CACNA2D3: variants seen among roughly 807,000 people sequenced by gnomAD.
CACNA2D3 encodes the protein voltage-dependent calcium channel subunit alpha-2/delta-3.
CACNA2D3 carries 60 observed loss-of-function variants against 160.6 expected under a neutral mutation model. The observed-to-expected ratio is 0.37, with a 90% CI of 0.30 to 0.46. The LOEUF is 0.46. Ranked by LOEUF, CACNA2D3 falls within the 20% of genes least tolerant of loss-of-function variation. The probability of loss-of-function intolerance (pLI) is 1.00; values close to 1 mark genes in which losing one functional copy is unlikely to be tolerated. For synonymous variants in CACNA2D3, 558 were observed against 492.9 expected (o/e 1.13, Z -1.75); for missense variants, 1,205 against 1,365.0 (o/e 0.88, Z 1.85).
chr3:54,637,749 T>C (rs1699410578), intron 10 of CACNA2D3: 1 of 152,038 alleles, frequency 6.6e-6, no homozygotes, highest in Admixed American at 6.5e-5. Flanking sequence ...GCAGCGTCAG[T>C]CTTCAGCCAG....
rs576904390 is a variant in CACNA2D3 at position 54,456,432 on chromosome 3, G to A, written c.382-47060G>A. On this transcript the variant is annotated intron_variant, in intron 4 of 37. Coordinates refer to ENST00000474759, the MANE Select transcript of CACNA2D3 (RefSeq NM_018398.3). ...TGATTTTGTATCCTGCAACTTTACC[G>A]AAATTGTTTGTCCGTTCTAAGAGTT... Among the ~76,000 whole-genome samples the A allele has an allele frequency of 2.2e-3, 329 of 152,014 alleles. 6 individuals are homozygous for A. Among genetic ancestry groups the A allele is most frequent in the Non-Finnish European group, 1.8e-4 (12 of 67,884 alleles).
In CACNA2D3 at chr3:54,892,948, G is replaced by A. The variant is rs140381486; in HGVS notation, c.2246+1498G>A. Among the ~76,000 whole-genome samples, 51 of 152,252 alleles carry A rather than the reference G, an allele frequency of 3.3e-4. 1 individual carries two copies. In the East Asian group the frequency reaches 7.9e-3, roughly 24 times the overall value. ...TTCTGTCCTCCTGAAAAGTGAGAGC[G>A]ATGATCTCTTTTGGTTACTGTGAAG... On this transcript the variant is annotated intron_variant, in intron 25 of 37. Coordinates refer to ENST00000474759, the MANE Select transcript of CACNA2D3 (RefSeq NM_018398.3).
intron 2 of CACNA2D3, among the ~76,000 whole-genome samples, chr3:54,264,256 G>T (rs1167521983): frequency 6.6e-6 from 1 of 152,130 alleles, no homozygotes; most frequent in Non-Finnish European, 1.5e-5. Context: ...TATCACTTCT[G>T]TGGGCTGATT....
chr3:54,457,878 T>A (rs1203890597), intron 4 of CACNA2D3, among the ~76,000 whole-genome samples: 2 of 152,120 alleles, frequency 1.3e-5, no homozygotes, highest in African/African-American at 4.8e-5. Context: ...AAGGTCTTTT[T>A]AAAATATGTA....
chr3:54,676,706 T>C (rs1700250959), intron 11 of CACNA2D3, among the ~76,000 whole-genome samples: 1 of 152,094 alleles, frequency 6.6e-6, no homozygotes, highest in Non-Finnish European at 1.5e-5. Flanking sequence ...GTTCGATTAG[T>C]TGGGGAAGGT....
chr3:54,532,336 AAT>A (rs1172795431), intron 5 of CACNA2D3, among the ~76,000 whole-genome samples: 1 of 152,182 alleles, frequency 6.6e-6, no homozygotes, highest in African/African-American at 2.4e-5. Context: ...CCTTGTTAAC[AAT>A]ATGTTAACAA....
chr3:54,548,342 A>T (rs1427359417), intron 5 of CACNA2D3, among the ~76,000 whole-genome samples: 1 of 152,268 alleles, frequency 6.6e-6, no homozygotes, highest in African/African-American at 2.4e-5. Flanking sequence ...CTCCAACATC[A>T]TGAAATACAT....
At chr3:54,680,706 A>G (rs933343987) in intron 11 of CACNA2D3, among the ~76,000 whole-genome samples, 4 of 152,234 alleles carry the variant, frequency 2.6e-5, no homozygotes, top group Admixed American at 6.5e-5. Context: ...GAGTGCTCTC[A>G]TTGTGCCATC....
At chr3:54,689,452 G>T (rs1246830023) in intron 11 of CACNA2D3, among the ~76,000 whole-genome samples, 3 of 152,046 alleles carry the variant, frequency 2.0e-5, no homozygotes, top group African/African-American at 4.8e-5. Flanking sequence ...CTTTCCTGAA[G>T]CTCAGACTTG....
chr3:54,653,558 G>A (rs550175201), intron 11 of CACNA2D3, among the ~76,000 whole-genome samples: 5 of 152,180 alleles, frequency 3.3e-5, no homozygotes, highest in Non-Finnish European at 5.9e-5. Context: ...GAGAGCTCAC[G>A]CAGGCCCTCC....
At chr3:54,479,567 C>T (rs1015389990) in intron 4 of CACNA2D3, among the ~76,000 whole-genome samples, 24 of 152,132 alleles carry the variant, frequency 1.6e-4, no homozygotes, top group African/African-American at 5.6e-4. Flanking sequence ...TTTTAAATTG[C>T]TACTGAAAAT....
At chr3:54,938,626 C>T (rs1486613033) in intron 27 of CACNA2D3, among the ~76,000 whole-genome samples, 1 of 151,614 alleles carries the variant, frequency 6.6e-6, no homozygotes, top group Admixed American at 6.6e-5. Flanking sequence ...GTTACCCCCA[C>T]CCCCAAATTA....
In CACNA2D3 at chr3:54,497,891, T is replaced by C. The variant is rs144977568; in HGVS notation, c.382-5601T>C. Among the ~76,000 whole-genome samples, 333 of 152,098 alleles carry C rather than the reference T, an allele frequency of 2.2e-3. 3 individuals carry two copies. The highest frequency in any genetic ancestry group is 7.6e-3 in the African/African-American group (318 of 41,584). ...TTCTTTGTTCTGTTGATGTGGTGAA[T>C]TATGTTGATTAATCAAATATTAAAC... On this transcript the variant is annotated intron_variant, in intron 4 of 37. Transcript: ENST00000474759.
chr3:54,626,243 C>A, intron 9 of CACNA2D3: 1 of 1,092,104 alleles, frequency 9.2e-7, no homozygotes, highest in South Asian at 1.3e-5. Flanking sequence ...AAGAAGCAGA[C>A]CTTCCGCAGG....
At chr3:54,813,982 C>A (rs1470804878) in intron 13 of CACNA2D3, among the ~76,000 whole-genome samples, 1 of 151,416 alleles carries the variant, frequency 6.6e-6, no homozygotes, top group Non-Finnish European at 1.5e-5. Flanking sequence ...CTCCCCACCT[C>A]AGCCTCCCGA....
chr3:54,894,958 G>GC (rs1159667285), intron 25 of CACNA2D3, among the ~76,000 whole-genome samples: 1 of 150,996 alleles, frequency 6.6e-6, no homozygotes, highest in African/African-American at 2.4e-5. Context: ...TCCAAAGTTG[G>GC]CCTTAGCCTT....
intron 10 of CACNA2D3, among the ~76,000 whole-genome samples, chr3:54,631,235 CAAAGATAAATGTTACA>C (rs1233428914): frequency 6.6e-6 from 1 of 151,120 alleles, no homozygotes; most frequent in East Asian, 1.9e-4. Context: ...CACACACACA[CAAAGATAAATGTTACA>C]AAATGTCCCA....
chr3:54,397,492 G>A (rs1387384516), intron 4 of CACNA2D3, among the ~76,000 whole-genome samples: 4 of 126,794 alleles, frequency 3.2e-5, no homozygotes, highest in Non-Finnish European at 6.6e-5. Context: ...CTTTGAATGC[G>A]TCCCAGAGAT....
At chr3:54,465,411 A>G (rs1700604025) in intron 4 of CACNA2D3, among the ~76,000 whole-genome samples, 1 of 152,158 alleles carries the variant, frequency 6.6e-6, no homozygotes, top group Non-Finnish European at 1.5e-5. Context: ...GTTATTGTTA[A>G]TCTCTTACTG....
Sources: allele counts gnomAD v4.1 joint callset (sites outside exome capture counted in the v4.1 genomes callset), GRCh38; gene constraint gnomAD v4.1.1; transcripts MANE v1.5; gene names NCBI Gene and HGNC (gene_info 2026-07-23, HGNC 2026-07-21).